Variants in ABL1 observed in about 807,000 individuals in gnomAD.
ABL1 encodes the protein tyrosine-protein kinase ABL1.
Under a neutral mutation model 94.7 loss-of-function variants are expected in ABL1, and 11 were observed. The ratio of observed to expected loss-of-function variants is 0.12; its 90% CI spans 0.07 to 0.19. ABL1 has a LOEUF of 0.19. Ranked by LOEUF, ABL1 falls within the 10% of genes least tolerant of loss-of-function variation. ABL1 has a pLI of 1.00. For missense variants in ABL1, 1,082 were observed against 1,489.4 expected, an observed-to-expected ratio of 0.73 and a Z score of 4.50; for synonymous variants, 656 against 622.4, an observed-to-expected ratio of 1.05 and a Z score of -0.80.
At chr9:130,799,872 A>C (rs1416381325) in intron 1 of ABL1, among the ~76,000 whole-genome samples, 1 of 148,470 alleles carries the variant, frequency 6.7e-6, no homozygotes, top group Non-Finnish European at 1.5e-5. Flanking sequence ...GGATATTTAT[A>C]CTTTTTTTTT....
At chr9:130,714,080 T>C in exon 1 of ABL1, 1 of 394,396 alleles carries the variant, frequency 2.5e-6, no homozygotes, top group East Asian at 3.8e-5. Context: ...TTGGGTAACA[T>C]TGCAATTACA....
intron 1 of ABL1, among the ~76,000 whole-genome samples, chr9:130,771,057 AATT>A (rs1157742999): frequency 6.6e-6 from 1 of 152,184 alleles, no homozygotes; most frequent in East Asian, 1.9e-4. Context: ...GGGCCTGGAT[AATT>A]GGTTTCTTCC....
intron 10 of ABL1, among the ~76,000 whole-genome samples, chr9:130,881,070 T>C (rs1359056464): frequency 1.3e-5 from 2 of 152,224 alleles, no homozygotes; most frequent in Admixed American, 1.3e-4. Flanking sequence ...TGCAGCCAGG[T>C]GGAACCAGGA....
intron 1 of ABL1, among the ~76,000 whole-genome samples, chr9:130,755,650 A>G (rs375518602): frequency 6.6e-5 from 10 of 152,298 alleles, no homozygotes; most frequent in African/African-American, 2.2e-4. Flanking sequence ...GTAATAATGT[A>G]TGAGTTAGGA....
intron 1 of ABL1, among the ~76,000 whole-genome samples, chr9:130,739,425 C>G (rs1260700242): frequency 2.7e-5 from 4 of 150,408 alleles, no homozygotes; most frequent in African/African-American, 9.8e-5. Context: ...TGGAGAAAAA[C>G]CTTCAGGAAA....
At chr9:130,794,524 C>G (rs1829949204) in intron 1 of ABL1, among the ~76,000 whole-genome samples, 1 of 152,138 alleles carries the variant, frequency 6.6e-6, no homozygotes, top group South Asian at 2.1e-4. Flanking sequence ...TTTATCAAAA[C>G]AAATGAATCA....
intron 1 of ABL1, among the ~76,000 whole-genome samples, chr9:130,828,639 A>T (rs577460966): frequency 5.3e-5 from 8 of 152,296 alleles, no homozygotes; most frequent in Middle Eastern, 3.4e-3. Context: ...CCCAGGAGGC[A>T]GAAGTTGTAG....
intron 4 of ABL1, among the ~76,000 whole-genome samples, chr9:130,865,619 G>A (rs748622032): frequency 5.3e-5 from 8 of 151,996 alleles, no homozygotes; most frequent in Non-Finnish European, 5.9e-5. Context: ...GTGGTGGTGC[G>A]TGTGTATTCC....
At chr9:130,728,438 T>C (rs2132688167) in intron 1 of ABL1, among the ~76,000 whole-genome samples, 1 of 148,256 alleles carries the variant, frequency 6.7e-6, no homozygotes, top group East Asian at 2.0e-4. Flanking sequence ...CAGGCTGGAG[T>C]GCAGTGGAGT....
Position 130,872,335 on chromosome 9 carries a change from C to A in ABL1, c.907+122C>A. On this transcript the variant is annotated intron_variant, in intron 5 of 10. Transcript: ENST00000318560. The surrounding 1 kb of genome is among the most constrained non-coding windows in gnomAD (Gnocchi z 5.0). ...ACCTCGTTGGAATATTTGTGCTCTGCCGACGTTCAGCCGCGGGTAAAATGA... is the reference window on the plus strand; with the variant it reads ...ACCTCGTTGGAATATTTGTGCTCTGACGACGTTCAGCCGCGGGTAAAATGA... 1.1e-6 allele frequency: 1 copy of A among 893,600 alleles called. No individual in the cohort carries two copies. Among genetic ancestry groups the A allele is most frequent in the Non-Finnish European group, 1.7e-6 (1 of 581,618 alleles). 55.4% of individuals were successfully genotyped at this position (893,600 alleles called of 1,614,324 possible). A position where few individuals can be genotyped will look rare whatever the true frequency, so the allele number is the denominator to read the frequency against.
intron 1 of ABL1, among the ~76,000 whole-genome samples, chr9:130,756,680 G>GT (rs752337588): frequency 9.2e-5 from 14 of 152,146 alleles, no homozygotes; most frequent in Non-Finnish European, 1.8e-4. Context: ...TCCTTGCTGA[G>GT]TATCTTCAGA....
intron 4 of ABL1, among the ~76,000 whole-genome samples, chr9:130,871,776 G>A (rs777216802): frequency 3.6e-4 from 55 of 152,346 alleles, no homozygotes; most frequent in Non-Finnish European, 6.9e-4. Context: ...AGTGTGTCAC[G>A]TTTGTGGTGT....
chr9:130,855,600 G>A (rs555361799), intron 3 of ABL1, among the ~76,000 whole-genome samples: 1 of 152,138 alleles, frequency 6.6e-6, no homozygotes, highest in Non-Finnish European at 1.5e-5. Flanking sequence ...GCAGTTTTCA[G>A]TGAAAACCGG....
intron 1 of ABL1, among the ~76,000 whole-genome samples, chr9:130,782,605 T>C (rs1829769372): frequency 1.3e-5 from 2 of 152,188 alleles, no homozygotes; most frequent in African/African-American, 2.4e-5. Flanking sequence ...GAGATGTGAA[T>C]GTTGATAACA....
rs34227220 is a variant in ABL1 at position 130,854,507 on chromosome 9, A to G, written c.253+270A>G. Among the ~76,000 whole-genome samples the G allele has an allele frequency of 7.2e-5, 11 of 152,342 alleles. 1 individual carries two copies. The highest frequency in any genetic ancestry group is 2.6e-4 in the African/African-American group (11 of 41,582). On this transcript the variant is annotated intron_variant, in intron 2 of 10. Coordinates refer to ENST00000318560, the MANE Select transcript of ABL1 (RefSeq NM_005157.6). ...ACTGAACGCAATTTTTCCCCTAAGA[A>G]AAAGCATTATTTCCCTAAAATGTCT...
At chr9:130,855,590 G>A (rs140031071) in intron 3 of ABL1, among the ~76,000 whole-genome samples, 5 of 152,248 alleles carry the variant, frequency 3.3e-5, no homozygotes, top group Middle Eastern at 3.4e-3. Flanking sequence ...ATACACGCAT[G>A]CAGTTTTCAG....
chr9:130,757,027 C>G (rs1015831737), intron 1 of ABL1, among the ~76,000 whole-genome samples: 1 of 152,168 alleles, frequency 6.6e-6, no homozygotes. Context: ...CCAGAACATT[C>G]CATTCTGCAG....
chr9:130,718,067 G>A (rs2855157), intron 1 of ABL1, among the ~76,000 whole-genome samples: 1 of 150,710 alleles, frequency 6.6e-6, no homozygotes, highest in South Asian at 2.1e-4. Flanking sequence ...CCTGTAATCC[G>A]AGCACTTTGG....
chr9:130,851,218 T>G (rs1830855976), intron 1 of ABL1, among the ~76,000 whole-genome samples: 1 of 152,168 alleles, frequency 6.6e-6, no homozygotes, highest in Non-Finnish European at 1.5e-5. Context: ...CTAGGTGTAC[T>G]TTTAGAGCCA....
Sources: allele counts gnomAD v4.1 joint callset (sites outside exome capture counted in the v4.1 genomes callset), GRCh38; gene constraint gnomAD v4.1.1; non-coding constraint Gnocchi (gnomAD v3.1); transcripts MANE v1.5; gene names NCBI Gene and HGNC (gene_info 2026-07-23, HGNC 2026-07-21).